PCDHGB2: variants seen among roughly 807,000 people sequenced by gnomAD.
The protein encoded by PCDHGB2 is protocadherin gamma-B2.
In PCDHGB2, 55 loss-of-function variants were observed where a neutral mutation model predicts 59.3. The ratio of observed to expected loss-of-function variants is 0.93; its 90% confidence interval spans 0.75 to 1.16. The LOEUF (loss-of-function observed/expected upper bound fraction) is 1.16. PCDHGB2 is among the 50% of genes most tolerant of loss of function. PCDHGB2 has a pLI of 0.00. For synonymous variants in PCDHGB2, 516 were observed against 512.0 expected, an observed-to-expected ratio of 1.01 and a Z score of -0.11; for missense variants, 1,228 against 1,198.5, an observed-to-expected ratio of 1.02 and a Z score of -0.36.
chr5:141,487,798 G>A lies in PCDHGB2; in HGVS notation c.2422-7009G>A, dbSNP rs1197016007. 6.7e-7 allele frequency: 1 copy of A among 1,498,792 alleles called. No homozygotes were observed. Among genetic ancestry groups the A allele is most frequent in the South Asian group, 1.3e-5 (1 of 78,368 alleles). 92.8% of individuals were successfully genotyped at this position (1,498,792 alleles called of 1,614,324 possible). On this transcript the variant is annotated intron_variant, in intron 1 of 3. Coordinates refer to ENST00000522605, the MANE Select transcript of PCDHGB2 (RefSeq NM_018923.3). The surrounding 1 kb of genome is among the most constrained non-coding windows in gnomAD (Gnocchi z 5.0). ...ACTGTTTCGTGAATTAACCAGAGTT[G>A]TCACAGTTTAGCATTGGGGGCGGGT...
chr5:141,438,122 A>T (rs1272350030), intron 1 of PCDHGB2, among the ~76,000 whole-genome samples: 1 of 152,214 alleles, frequency 6.6e-6, no homozygotes, highest in Non-Finnish European at 1.5e-5. Flanking sequence ...CATTCCTAAA[A>T]TATTAATGGC....
At position 141,450,006 on chromosome 5, in the gene PCDHGB2, C is replaced by CTAT. The variant is rs70988802; in HGVS notation, c.2422-44800_2422-44799insATT. ...CACATTGCATTTAGTTGCCATGTCT[C>CTAT]TTTTTTTTTTTTTTTTTTGAGACAG... On this transcript the variant is annotated intron_variant, in intron 1 of 3. Transcript: ENST00000522605. Among the ~76,000 whole-genome samples the CTAT allele has an allele frequency of 2.5e-4, 33 of 132,964 alleles. 6 individuals are homozygous for CTAT. Among genetic ancestry groups the CTAT allele is most frequent in the Non-Finnish European group, 2.9e-4 (18 of 62,916 alleles). The allele number at this position is 132,964 out of a possible 152,430, so 87.2% of individuals were successfully genotyped here. A position where few individuals can be genotyped will look rare whatever the true frequency, so the allele number is the denominator to read the frequency against.
chr5:141,431,699 T>C lies in PCDHGB2; in HGVS notation c.2422-63108T>C. ...GGAGTTGGACCACGAGGAGTCAGGA[T>C]TCTACCAGATGGAAGTGCAAGCAAT... is the stretch of plus-strand genomic sequence containing the variant. On this transcript the variant is annotated intron_variant, in intron 1 of 3. Coordinates refer to ENST00000522605, the MANE Select transcript of PCDHGB2 (RefSeq NM_018923.3). The surrounding 1 kb of genome is among the most constrained non-coding windows in gnomAD (Gnocchi z 4.8). 6.2e-7 allele frequency: 1 copy of C among 1,614,222 alleles called. No individual in the cohort carries two copies. Among genetic ancestry groups the C allele is most frequent in the South Asian group, 1.1e-5 (1 of 91,074 alleles).
chr5:141,423,877 C>A, intron 1 of PCDHGB2: 1 of 1,283,890 alleles, frequency 7.8e-7, no homozygotes, highest in Non-Finnish European at 9.9e-7. Flanking sequence ...ATTTTTCAAT[C>A]TTGGCATATT....
intron 1 of PCDHGB2, chr5:141,404,222 G>A (rs1407928050): frequency 6.2e-7 from 1 of 1,613,616 alleles, no homozygotes; most frequent in Admixed American, 1.7e-5. Context: ...CACGGTGACT[G>A]CAACAGACAG....
intron 1 of PCDHGB2, chr5:141,405,386 T>C (rs2094651618): frequency 6.9e-6 from 11 of 1,595,500 alleles, no homozygotes; most frequent in Non-Finnish European, 7.7e-6. Flanking sequence ...GGTGAGTTCA[T>C]TTTTTTTCTT....
intron 1 of PCDHGB2, chr5:141,390,878 G>A (rs2092258677): frequency 6.5e-6 from 1 of 153,282 alleles, no homozygotes; most frequent in Non-Finnish European, 1.5e-5. Flanking sequence ...GTGTGTGTGT[G>A]TGTGTGTGTG....
intron 1 of PCDHGB2, among the ~76,000 whole-genome samples, chr5:141,458,063 G>A (rs1011861177): frequency 1.3e-5 from 2 of 152,190 alleles, no homozygotes; most frequent in African/African-American, 4.8e-5. Context: ...CTGCACTGAT[G>A]CGAACAACTA....
intron 1 of PCDHGB2, among the ~76,000 whole-genome samples, chr5:141,458,821 C>T (rs1220034390): frequency 6.6e-6 from 1 of 152,146 alleles, no homozygotes; most frequent in Non-Finnish European, 1.5e-5. Flanking sequence ...CAACCTCTGC[C>T]TCCCAGGCTC....
intron 1 of PCDHGB2, chr5:141,478,292 CTATA>C (rs1257685524): frequency 6.2e-7 from 1 of 1,614,146 alleles, no homozygotes; most frequent in Admixed American, 1.7e-5. Flanking sequence ...GTCTAGAGAC[CTATA>C]CCGAGCCCCG....
At chr5:141,455,103 C>T (rs1319698016) in intron 1 of PCDHGB2, among the ~76,000 whole-genome samples, 1 of 151,862 alleles carries the variant, frequency 6.6e-6, no homozygotes, top group South Asian at 2.1e-4. Flanking sequence ...TGAGCCACTG[C>T]GCCCGGTGGG....
rs747064148 is a variant in PCDHGB2, at chr5:141,395,059, T to C, written c.2421+32503T>C. 1 of 1,614,180 alleles carries C rather than the reference T, an allele frequency of 6.2e-7. No individual in the cohort carries two copies. The stretch of plus-strand genomic sequence containing the variant: ...GTGGGTGTTGAGGAGGTACAGGCTT[T>C]CCTGCAGACCTATTCCCAGGAAGTC... On this transcript the variant is annotated intron_variant, in intron 1 of 3. Transcript: ENST00000522605.
In PCDHGB2 at chr5:141,432,265, G is replaced by A. The variant is rs756993242; in HGVS notation, c.2422-62542G>A. On this transcript the variant is annotated intron_variant, in intron 1 of 3. Transcript: ENST00000522605. The surrounding 1 kb of genome is among the most constrained non-coding windows in gnomAD (Gnocchi z 6.0). ...ACACCATCCAAGGGGCAAGCCTATCGTCCTACGTGTCCATCAACTCCGACA... is the reference window on the plus strand; with the variant it reads ...ACACCATCCAAGGGGCAAGCCTATCATCCTACGTGTCCATCAACTCCGACA... 2.5e-6 allele frequency: 4 copies of A among 1,614,092 alleles called. No individual in the cohort carries two copies. The highest frequency in any genetic ancestry group is 1.7e-5 in the Admixed American group (1 of 60,004).
In PCDHGB2 at chr5:141,505,419, C is replaced by G. The variant is rs1303924776; in HGVS notation, c.2507C>G (p.Thr836Ser). 6 of 1,614,140 alleles carry G rather than the reference C, an allele frequency of 3.7e-6. No individual in the cohort carries two copies. The highest frequency in any genetic ancestry group is 4.2e-6 in the Non-Finnish European group (5 of 1,180,062). Residue 836 changes from threonine to serine, a missense_variant, in exon 3 of 4, where the codon ACC becomes AGC. Thr to Ser is a moderately conservative substitution (Grantham distance 58). Around this residue, in one of 3 missense-constraint regions of PCDHGB2, gnomAD observed 433 missense variants for 441.8 expected, o/e 0.98. Coordinates refer to ENST00000522605, the MANE Select transcript of PCDHGB2 (RefSeq NM_018923.3). ...SGSQNGDDTGTWPNNQFDTEM... is the reference protein window; with the variant it reads ...SGSQNGDDTGSWPNNQFDTEM... ...TCCCAAAATGGCGATGACACCGGCACCTGGCCCAACAACCAGTTTGACACA... is the reference window on the plus strand; with the variant it reads ...TCCCAAAATGGCGATGACACCGGCAGCTGGCCCAACAACCAGTTTGACACA...
intron 1 of PCDHGB2, chr5:141,430,854 G>A (rs140440273): frequency 5.0e-6 from 8 of 1,587,648 alleles, no homozygotes; most frequent in Middle Eastern, 1.7e-4. Flanking sequence ...ACCCAGATAC[G>A]CTATTCAGTT....
intron 1 of PCDHGB2, among the ~76,000 whole-genome samples, chr5:141,401,848 T>C (rs1476670200): frequency 6.6e-6 from 1 of 152,230 alleles, no homozygotes; most frequent in Non-Finnish European, 1.5e-5. Flanking sequence ...TACCACTTAC[T>C]TTTAACCTTT....
rs994009107 is a variant in PCDHGB2 at position 141,490,364 on chromosome 5, G to A, written c.2422-4443G>A. ...ACAGTAGTGGGGTTGTTTAATGTGC[G>A]AGACCGGGACTCAGGTAGAAATGGT... On this transcript the variant is annotated intron_variant, in intron 1 of 3. Transcript: ENST00000522605. The surrounding 1 kb of genome is among the most constrained non-coding windows in gnomAD (Gnocchi z 5.4). 7 of 1,614,056 alleles carry A rather than the reference G, an allele frequency of 4.3e-6. No individual in the cohort carries two copies. In the African/African-American group the frequency reaches 5.3e-5, roughly 12 times the overall value.
Position 141,415,348 on chromosome 5 carries a change from A to G in PCDHGB2, c.2421+52792A>G, listed in dbSNP as rs561851810. ...GGCGCACAGGCTGCGGCGCTGGCAC[A>G]AGTCACGCCTGCTGCAGGCTTCAGG... On this transcript the variant is annotated intron_variant, in intron 1 of 3. Transcript: ENST00000522605. The G allele has an allele frequency of 3.1e-6, 5 of 1,614,222 alleles. 1 individual carries two copies. The highest frequency in any genetic ancestry group is 1.6e-4 in the Middle Eastern group (1 of 6,062).
intron 1 of PCDHGB2, chr5:141,372,062 C>T: frequency 1.2e-6 from 2 of 1,613,470 alleles, no homozygotes; most frequent in Non-Finnish European, 1.7e-6. Context: ...ACGACCGCAA[C>T]GACAATGCAC....
Sources: allele counts gnomAD v4.1 joint callset (sites outside exome capture counted in the v4.1 genomes callset), GRCh38; gene constraint gnomAD v4.1.1; regional missense constraint gnomAD v4.1.1; non-coding constraint Gnocchi (gnomAD v3.1); transcripts MANE v1.5; gene names NCBI Gene and HGNC (gene_info 2026-07-23, HGNC 2026-07-21).